The following FGF1 variants were observed in gnomAD, a reference collection of about 807,000 sequenced individuals.
The protein encoded by FGF1 is beta-endothelial cell growth factor.
In FGF1, 9 loss-of-function variants were observed where a neutral mutation model predicts 13.4. The ratio of observed to expected loss-of-function variants is 0.67; its 90% CI spans 0.40 to 1.17. The LOEUF (loss-of-function observed/expected upper bound fraction) is 1.17, where lower values mean the gene tolerates loss of function less well. Among genes scored for constraint, FGF1 ranks in the 50% most tolerant of loss-of-function variants. FGF1 has a pLI of 0.01. For synonymous variants in FGF1, 93 were observed against 79.0 expected (o/e 1.18, Z -0.94); for missense variants, 156 against 192.7 (o/e 0.81, Z 1.13).
chr5:142,619,849 A>G (rs1487905881), intron 1 of FGF1, among the ~76,000 whole-genome samples: 11 of 136,288 alleles, frequency 8.1e-5, no homozygotes, highest in Admixed American at 6.1e-4. Flanking sequence ...AAACCAAAAA[A>G]CGAAAAAAAA....
chr5:142,618,924 G>GTTTTTTTTTT lies in FGF1; in HGVS notation c.-34-4764_-34-4763insAAAAAAAAAA, dbSNP rs1187824250. On this transcript the variant is annotated intron_variant, in intron 1 of 3. Coordinates refer to ENST00000337706, the MANE Select transcript of FGF1 (RefSeq NM_000800.5). ...AAACACTGACATTTATTTTTTAGTTGTTTTGTTTTTTTTTTTTTTTTTTTT... is the reference window on the plus strand; with the variant it reads ...AAACACTGACATTTATTTTTTAGTTGTTTTTTTTTTTTTTGTTTTTTTTTTTTTTTTTTTT... Among the ~76,000 whole-genome samples the GTTTTTTTTTT allele has an allele frequency of 2.7e-4, 21 of 78,324 alleles. 1 individual carries two copies. Among genetic ancestry groups the GTTTTTTTTTT allele is most frequent in the African/African-American group, 8.0e-4 (17 of 21,298 alleles). The allele number at this position is 78,324 out of a possible 152,430, so 51.4% of individuals were successfully genotyped here.
chr5:142,601,857 G>A (rs996776906), intron 2 of FGF1, among the ~76,000 whole-genome samples: 3 of 152,202 alleles, frequency 2.0e-5, no homozygotes, highest in African/African-American at 7.2e-5. Context: ...ATGTCCATTT[G>A]ATAATTATTA....
intron 3 of FGF1, among the ~76,000 whole-genome samples, chr5:142,596,281 G>T (rs569899292): frequency 1.3e-5 from 2 of 150,958 alleles, no homozygotes; most frequent in Non-Finnish European, 2.9e-5. Flanking sequence ...GCCAGTCTGG[G>T]CAACATAGCA....
chr5:142,674,118 C>T (rs1024149135), intron 1 of FGF1, among the ~76,000 whole-genome samples: 12 of 152,222 alleles, frequency 7.9e-5, no homozygotes, highest in African/African-American at 2.9e-4. Flanking sequence ...ATGTCACCTG[C>T]TCAGAGAGGC....
chr5:142,606,557 A>C (rs1757743194), intron 2 of FGF1, among the ~76,000 whole-genome samples: 1 of 152,196 alleles, frequency 6.6e-6, no homozygotes, highest in South Asian at 2.1e-4. Flanking sequence ...CGGGAGAAGG[A>C]GGTTGCAGTG....
intron 2 of FGF1, among the ~76,000 whole-genome samples, chr5:142,691,347 G>T (rs548870600): frequency 1.1e-4 from 17 of 151,664 alleles, no homozygotes; most frequent in Admixed American, 2.0e-4. Flanking sequence ...ACTTGAACCC[G>T]GGAGGTGGAG....
chr5:142,695,991 A>G (rs911639736), intron 2 of FGF1, among the ~76,000 whole-genome samples: 6 of 152,032 alleles, frequency 3.9e-5, no homozygotes, highest in Non-Finnish European at 8.8e-5. Context: ...GGAGAGGGAG[A>G]CAGAACTGGG....
In FGF1 at chr5:142,592,513, C is replaced by A; in HGVS notation, c.*2777G>T. 7.5e-6 allele frequency: 3 copies of A among 398,330 alleles called. No individual in the cohort carries two copies. In the South Asian group the frequency reaches 3.9e-4, roughly 51 times the overall value. The allele number at this position is 398,330 out of a possible 1,614,324, so 24.7% of individuals were successfully genotyped here. A position where few individuals can be genotyped will look rare whatever the true frequency, so the allele number is the denominator to read the frequency against. ...GCAAACGACCAAAAGCACATATGTT[C>A]ATGATGCTTTGTTCAGAGCTGGCCC... On this transcript the variant is annotated 3_prime_UTR_variant, in exon 4 of 4. Transcript: ENST00000337706.
intron 1 of FGF1, among the ~76,000 whole-genome samples, chr5:142,668,636 G>A (rs569343941): frequency 6.6e-6 from 1 of 152,212 alleles, no homozygotes; most frequent in South Asian, 2.1e-4. Flanking sequence ...TTTATAAAAG[G>A]AGGCCAGTGA....
chr5:142,631,048 T>G (rs956492372), intron 1 of FGF1, among the ~76,000 whole-genome samples: 1 of 152,158 alleles, frequency 6.6e-6, no homozygotes, highest in South Asian at 2.1e-4. Context: ...GCTCAGATAT[T>G]TATTGAGTAA....
At chr5:142,684,741 G>A (rs1019793694) in intron 1 of FGF1, among the ~76,000 whole-genome samples, 13 of 152,198 alleles carry the variant, frequency 8.5e-5, no homozygotes, top group African/African-American at 2.9e-4. Context: ...TTCCCAAAGC[G>A]AGGCCCACTC....
At chr5:142,690,491 T>C (rs1202296078), upstream of FGF1, among the ~76,000 whole-genome samples, 1 of 152,246 alleles carries the variant, frequency 6.6e-6, no homozygotes, top group Non-Finnish European at 1.5e-5. Context: ...TATGGATCCT[T>C]TCAGGAAAGA....
At chr5:142,643,723 C>G (rs568276509) in intron 1 of FGF1, among the ~76,000 whole-genome samples, 215 of 152,286 alleles carry the variant, frequency 1.4e-3, no homozygotes, top group African/African-American at 4.9e-3. Context: ...TCATCTGGCC[C>G]TCACTTTTTC....
intron 1 of FGF1, among the ~76,000 whole-genome samples, chr5:142,651,389 G>A (rs1435756237): frequency 6.6e-6 from 1 of 152,142 alleles, no homozygotes; most frequent in Admixed American, 6.5e-5. Context: ...GCAAAACCGA[G>A]CAGAAAGGAC....
chr5:142,638,595 T>C lies in FGF1; in HGVS notation c.-34-24434A>G, dbSNP rs960091856. Reference sequence around the variant, plus strand: ...TTTGTAAATCTGCTAGAAGAAAACATAGGGGAAAGCTTCTTGATGCAGGTC... The same window carrying C: ...TTTGTAAATCTGCTAGAAGAAAACACAGGGGAAAGCTTCTTGATGCAGGTC... On this transcript the variant is annotated intron_variant, in intron 1 of 3. Transcript: ENST00000337706. Among the ~76,000 whole-genome samples the C allele has an allele frequency of 2.6e-5, 4 of 152,056 alleles. No homozygotes were observed. In the East Asian group the frequency reaches 5.8e-4, roughly 22 times the overall value.
chr5:142,608,630 T>G (rs1758349698), intron 2 of FGF1, among the ~76,000 whole-genome samples: 1 of 142,548 alleles, frequency 7.0e-6, no homozygotes. Flanking sequence ...AAAAAAACCT[T>G]ATCTTAAAAG....
chr5:142,650,670 A>G (rs966882803), intron 1 of FGF1, among the ~76,000 whole-genome samples: 4 of 151,538 alleles, frequency 2.6e-5, no homozygotes, highest in East Asian at 1.9e-4. Context: ...GTGTGTGTGT[A>G]TATATACACA....
At chr5:142,691,158 T>C (rs1752145754) in intron 2 of FGF1, among the ~76,000 whole-genome samples, 1 of 152,164 alleles carries the variant, frequency 6.6e-6, no homozygotes. Context: ...TGGTGGCTCA[T>C]GCCTATAATC....
intron 1 of FGF1, among the ~76,000 whole-genome samples, chr5:142,647,126 G>A (rs1382629696): frequency 6.6e-6 from 1 of 152,172 alleles, no homozygotes; most frequent in East Asian, 1.9e-4. Flanking sequence ...AGCCAATTTG[G>A]CATATCGATT....
Sources: allele counts gnomAD v4.1 joint callset (sites outside exome capture counted in the v4.1 genomes callset), GRCh38; gene constraint gnomAD v4.1.1; transcripts MANE v1.5; gene names NCBI Gene and HGNC (gene_info 2026-07-23, HGNC 2026-07-21).